ITGA2: variants seen among roughly 807,000 people sequenced by gnomAD.
ITGA2 encodes the protein integrin alpha-2.
A neutral mutation model predicts 146.3 loss-of-function variants in ITGA2; 101 were observed. The ratio of observed to expected loss-of-function variants is 0.69; its 90% CI spans 0.59 to 0.81. The LOEUF (loss-of-function observed/expected upper bound fraction) is 0.81. Ranked by LOEUF, ITGA2 falls within the 40% of genes least tolerant of loss-of-function variation. ITGA2 has a pLI of 0.00. For synonymous variants in ITGA2, 477 were observed against 487.1 expected (o/e 0.98, Z 0.27); for missense variants, 1,281 against 1,402.7 (o/e 0.91, Z 1.39).
At chr5:53,048,551 G>A in intron 5 of ITGA2, 74 bp downstream of exon 5, 2 of 1,607,316 alleles carry the variant, frequency 1.2e-6, no homozygotes, top group Non-Finnish European at 1.7e-6. Context: ...ATCAACTAGT[G>A]GCACCCAAAC....
intron 9 of ITGA2, among the ~76,000 whole-genome samples, chr5:53,057,792 C>T (rs183127974): frequency 1.3e-5 from 2 of 151,898 alleles, no homozygotes; most frequent in East Asian, 3.9e-4. Flanking sequence ...AAGTTAATGC[C>T]AACTTTGAAC....
intron 1 of ITGA2, among the ~76,000 whole-genome samples, chr5:53,024,020 T>C (rs10060638): frequency 0.011 from 1,605 of 152,318 alleles, 31 homozygotes; most frequent in African/African-American, 0.037. Flanking sequence ...AAGAAGGTCA[T>C]GCTTTGTGAG....
At chr5:53,055,802 A>G in intron 8 of ITGA2, 114 bp downstream of exon 8, 1 of 1,336,576 alleles carries the variant, frequency 7.5e-7, no homozygotes, top group Non-Finnish European at 1.1e-6. Context: ...ATATAAAAGA[A>G]AGTTCTTACT....
chr5:53,073,270 A>T lies in ITGA2; in HGVS notation c.2571+11A>T. ...TCATTCTCCCTGCCGGTATGTGATGAGACCCTGTACTTACTTCCACCATGC... is the reference window on the plus strand; with the variant it reads ...TCATTCTCCCTGCCGGTATGTGATGTGACCCTGTACTTACTTCCACCATGC... On this transcript the variant is annotated intron_variant, in intron 20 of 29. Transcript: ENST00000296585. 1 of 1,611,882 alleles carries T rather than the reference A, an allele frequency of 6.2e-7. No individual in the cohort carries two copies. Among genetic ancestry groups the T allele is most frequent in the South Asian group, 1.1e-5 (1 of 91,044 alleles).
intron 2 of ITGA2, among the ~76,000 whole-genome samples, chr5:53,033,767 T>G (rs1304692380): frequency 1.0e-4 from 8 of 78,134 alleles, no homozygotes; most frequent in Non-Finnish European, 2.0e-4. Context: ...TAGGCTAATT[T>G]TTTTTTTTTT....
intron 1 of ITGA2, among the ~76,000 whole-genome samples, chr5:52,998,895 T>C (rs1741430363): frequency 1.3e-5 from 2 of 152,250 alleles, no homozygotes; most frequent in Non-Finnish European, 2.9e-5. Context: ...TTTCTACTTC[T>C]TTCCAATTAG....
intron 1 of ITGA2, among the ~76,000 whole-genome samples, chr5:53,018,537 A>T (rs1306290108): frequency 6.7e-6 from 1 of 149,956 alleles, no homozygotes; most frequent in Non-Finnish European, 1.5e-5. Context: ...TCCACTCTCA[A>T]TGCCTTCCCT....
intron 2 of ITGA2, among the ~76,000 whole-genome samples, chr5:53,031,109 T>TG (rs1561104320): frequency 1.3e-5 from 2 of 152,248 alleles, no homozygotes; most frequent in Non-Finnish European, 2.9e-5. Context: ...GTGGGCCCTG[T>TG]GCCCTTCTCT....
chr5:53,034,195 T>G (rs1016332173), intron 2 of ITGA2, among the ~76,000 whole-genome samples: 2 of 152,210 alleles, frequency 1.3e-5, no homozygotes, highest in African/African-American at 4.8e-5. Flanking sequence ...ATTCTTACAC[T>G]TTTATTTTAA....
At chr5:52,998,004 T>C (rs1449151064) in intron 1 of ITGA2, among the ~76,000 whole-genome samples, 5 of 152,202 alleles carry the variant, frequency 3.3e-5, no homozygotes, top group East Asian at 1.9e-4. Flanking sequence ...TAATGCCACA[T>C]TGAAAAATGA....
Position 53,092,372 on chromosome 5 carries a change from GA to G in ITGA2, c.*1777del, listed in dbSNP as rs1366951387. ...TTTGACTTGGAAAAAAATGTCAAAG[GA>G]AAACAGGTTATCTGCCCATGTGCAT... is the stretch of plus-strand genomic sequence containing the variant. On this transcript the variant is annotated 3_prime_UTR_variant, in exon 30 of 30. Transcript: ENST00000296585. The G allele has an allele frequency of 6.6e-6, 1 of 152,092 alleles. No individual in the cohort carries two copies. The highest frequency in any genetic ancestry group is 1.5e-5 in the Non-Finnish European group (1 of 68,012). The allele number at this position is 152,092 out of a possible 1,614,324, so 9.4% of individuals were successfully genotyped here.
At chr5:53,006,984 CAT>C (rs548846653) in intron 1 of ITGA2, among the ~76,000 whole-genome samples, 1 of 152,170 alleles carries the variant, frequency 6.6e-6, no homozygotes. Context: ...CAGTCCTAAA[CAT>C]GTGCATGGCA....
chr5:53,019,634 T>C (rs1742568012), intron 1 of ITGA2, among the ~76,000 whole-genome samples: 1 of 152,214 alleles, frequency 6.6e-6, no homozygotes, highest in South Asian at 2.1e-4. Context: ...CAAGCAATTC[T>C]CCTGCCTCAC....
At chr5:53,032,147 A>G (rs1743255946) in intron 2 of ITGA2, among the ~76,000 whole-genome samples, 1 of 150,690 alleles carries the variant, frequency 6.6e-6, no homozygotes, top group Non-Finnish European at 1.5e-5. Context: ...AATAGAAAGA[A>G]CAAGTGTCAT....
intron 2 of ITGA2, among the ~76,000 whole-genome samples, chr5:53,038,139 A>G (rs769446458): frequency 2.6e-5 from 4 of 152,060 alleles, no homozygotes; most frequent in Non-Finnish European, 5.9e-5. Context: ...AGTTGAGAGA[A>G]AAAAACCAAA....
rs117017311 is a variant in ITGA2 at position 53,072,394 on chromosome 5, G to A, written c.2347-219G>A. Among the ~76,000 whole-genome samples, 198 of 150,518 alleles carry A rather than the reference G, an allele frequency of 1.3e-3. 1 individual carries two copies. The South Asian group carries it at 0.027, about 21-fold the overall frequency. On this transcript the variant is annotated intron_variant, in intron 18 of 29. Transcript: ENST00000296585. ...TGAAGCTCTGCGTATAGCTGTCCCC[G>A]CCATAGACACTTTCATCTAGCTCCC...
chr5:53,040,751 A>C (rs988559), intron 2 of ITGA2, among the ~76,000 whole-genome samples: 98,738 of 151,814 alleles, frequency 0.65, 32,575 homozygotes, highest in Non-Finnish European at 0.7. Context: ...GAACTTATTA[A>C]TGAACTATTA....
At chr5:53,052,019 G>A (rs982261305) in intron 7 of ITGA2, among the ~76,000 whole-genome samples, 10 of 151,986 alleles carry the variant, frequency 6.6e-5, no homozygotes, top group African/African-American at 2.4e-4. Context: ...TAACTATACA[G>A]GACTCTCTTG....
intron 1 of ITGA2, among the ~76,000 whole-genome samples, chr5:53,005,853 T>C (rs1741821826): frequency 6.6e-6 from 1 of 152,156 alleles, no homozygotes; most frequent in East Asian, 1.9e-4. Context: ...CACAGTACTA[T>C]TCAAACCTCA....
Sources: allele counts gnomAD v4.1 joint callset (sites outside exome capture counted in the v4.1 genomes callset), GRCh38; gene constraint gnomAD v4.1.1; transcripts MANE v1.5; gene names NCBI Gene and HGNC (gene_info 2026-07-23, HGNC 2026-07-21).